CEP126: variants seen among roughly 807,000 people sequenced by gnomAD.
CEP126 encodes the protein centrosomal protein of 126 kDa.
A neutral mutation model predicts 107.8 loss-of-function variants in CEP126; 74 were observed. That is an observed-to-expected ratio of 0.69 (90% CI 0.57 to 0.83). The LOEUF (loss-of-function observed/expected upper bound fraction) is 0.83. Among genes scored for constraint, CEP126 ranks in the 40% least tolerant of loss-of-function variants. The pLI is 0.00. For synonymous variants in CEP126, 449 were observed against 446.0 expected, an observed-to-expected ratio of 1.01 and a Z score of -0.08; for missense variants, 1,237 against 1,281.9, an observed-to-expected ratio of 0.96 and a Z score of 0.53.
chr11:101,967,324 CATTTCAATAGTT>C (rs1202016420), intron 6 of CEP126, among the ~76,000 whole-genome samples: 8 of 152,126 alleles, frequency 5.3e-5, no homozygotes, highest in Admixed American at 2.0e-4. Flanking sequence ...CCAGGTTCAT[CATTTCAATAGTT>C]CTTTTACCAA....
At chr11:101,928,483 T>A (rs950733338) in intron 2 of CEP126, among the ~76,000 whole-genome samples, 2 of 152,192 alleles carry the variant, frequency 1.3e-5, no homozygotes, top group African/African-American at 4.8e-5. Flanking sequence ...ATCCTCAAAA[T>A]ATTATAGTTT....
rs200942293 is a variant in CEP126, at chr11:101,925,183, TTG to T, written c.248+2425_248+2426del. ...ATTTTTTGCCTCTCATAGCATCCCT[TTG>T]TTTGTTTGTTCTTTGTATTCCATTA... On this transcript the variant is annotated intron_variant, in intron 2 of 10. Coordinates refer to ENST00000263468, the MANE Select transcript of CEP126 (RefSeq NM_020802.4). 2.0e-5 allele frequency among the ~76,000 whole-genome samples: 3 copies of T among 152,280 alleles called. No homozygotes were observed. In the East Asian group the frequency reaches 5.8e-4, roughly 29 times the overall value.
At chr11:101,929,974 C>CTTTTTTTTT (rs60650996) in intron 2 of CEP126, among the ~76,000 whole-genome samples, 1,741 of 118,430 alleles carry the variant, frequency 0.015, 43 homozygotes, top group African/African-American at 0.042. Flanking sequence ...TTAGTTAGGA[C>CTTTTTTTTT]TTTTTTTTTT....
At chr11:101,980,055 A>T (rs1021769229) in intron 7 of CEP126, among the ~76,000 whole-genome samples, 5 of 152,166 alleles carry the variant, frequency 3.3e-5, no homozygotes, top group African/African-American at 1.2e-4. Flanking sequence ...TATATGGATA[A>T]GATTACTAAT....
At position 101,998,657 on chromosome 11, in the gene CEP126, C is replaced by T. The variant is rs933126697; in HGVS notation, c.*1014C>T. 7.0e-6 allele frequency: 1 copy of T among 143,290 alleles called. No individual in the cohort carries two copies. Among genetic ancestry groups the T allele is most frequent in the African/African-American group, 2.6e-5 (1 of 38,148 alleles). The allele number at this position is 143,290 out of a possible 1,614,324, so 8.9% of individuals were successfully genotyped here. On this transcript the variant is annotated 3_prime_UTR_variant, in exon 11 of 11. Coordinates refer to ENST00000263468, the MANE Select transcript of CEP126 (RefSeq NM_020802.4). ...TTAAGAGTTTTAAGAAAACATGTGG[C>T]CTTTTATTAATAACACTACTAAATT... is the stretch of plus-strand genomic sequence containing the variant.
At chr11:101,944,511 C>A in intron 3 of CEP126, 101 bp downstream of exon 3, 1 of 1,112,314 alleles carries the variant, frequency 9.0e-7, no homozygotes, top group African/African-American at 1.7e-5. Flanking sequence ...TGGAAACAAA[C>A]TAAAAAGACC....
At chr11:101,943,975 C>T (rs184068976) in intron 2 of CEP126, among the ~76,000 whole-genome samples, 1 of 152,124 alleles carries the variant, frequency 6.6e-6, no homozygotes, top group Admixed American at 6.5e-5. Context: ...AGGCTTTTTC[C>T]ACAGCACAGT....
intron 2 of CEP126, among the ~76,000 whole-genome samples, chr11:101,923,635 A>G (rs1335270602): frequency 6.6e-6 from 1 of 152,130 alleles, no homozygotes; most frequent in Non-Finnish European, 1.5e-5. Flanking sequence ...AGTTGAAATT[A>G]TTTACTGAAA....
At chr11:101,969,641 AT>A (rs1194043196) in intron 6 of CEP126, among the ~76,000 whole-genome samples, 1 of 152,230 alleles carries the variant, frequency 6.6e-6, no homozygotes, top group Non-Finnish European at 1.5e-5. Context: ...TCTAATATTT[AT>A]ATGGAAATGC....
chr11:101,922,464 G>A (rs542611649), intron 1 of CEP126, among the ~76,000 whole-genome samples, 177 bp from the exon 2 acceptor site: 7 of 152,126 alleles, frequency 4.6e-5, no homozygotes, highest in South Asian at 2.1e-4. Context: ...ACCCAGCCCC[G>A]AATTTTTTTT....
rs752355410 is a variant in CEP126, at chr11:101,922,696, C to A, written c.184C>A (p.Gln62Lys). 3 of 1,610,854 alleles carry A rather than the reference C, an allele frequency of 1.9e-6. No homozygotes were observed. The highest frequency in any genetic ancestry group is 1.7e-5 in the Admixed American group (1 of 59,990). ...NLEEERQILL[Q>K]QQKICRNRAR... ...AGAAGAAGAGCGCCAGATATTACTG[C>A]AGCAACAAAAAATATGTCGAAATCG... is the stretch of plus-strand genomic sequence containing the variant. Residue 62 changes from glutamine to lysine, a missense_variant, in exon 2 of 11, where the codon CAG (glutamine) becomes AAG (lysine). Gln to Lys is a moderately conservative substitution (Grantham distance 53). Transcript: ENST00000263468.
intron 2 of CEP126, among the ~76,000 whole-genome samples, chr11:101,932,438 TG>T (rs2137086524): frequency 6.6e-6 from 1 of 152,258 alleles, no homozygotes; most frequent in South Asian, 2.1e-4. Context: ...CTGGCCACTG[TG>T]GAACAATATG....
chr11:101,965,006 G>T (rs953605554), intron 6 of CEP126, among the ~76,000 whole-genome samples: 4 of 152,088 alleles, frequency 2.6e-5, no homozygotes, highest in African/African-American at 9.7e-5. Flanking sequence ...CCCAAAGTGT[G>T]GTAGCTCTGC....
intron 5 of CEP126, 67 bp downstream of exon 5, chr11:101,958,433 T>G: frequency 7.8e-7 from 1 of 1,288,460 alleles, no homozygotes; most frequent in South Asian, 1.2e-5. Context: ...ACTTTTGCAG[T>G]GTTCTCCACT....
intron 2 of CEP126, among the ~76,000 whole-genome samples, chr11:101,938,169 A>AAAAAAAAAAAAAAC (rs1565353082): frequency 2.1e-5 from 3 of 143,934 alleles, no homozygotes; most frequent in Admixed American, 6.9e-5. Context: ...CAAAAAAAAA[A>AAAAAAAAAAAAAAC]AAAAAAATAC....
Position 101,997,720 on chromosome 11 carries a change from C to T in CEP126, c.*77C>T. On this transcript the variant is annotated 3_prime_UTR_variant, in exon 11 of 11. Transcript: ENST00000263468. ...ATGCATACCGTTTTGTGAAAACCAG[C>T]CATAGGAAAACATGTGAGCAACAAC... The T allele has an allele frequency of 6.3e-7, 1 of 1,595,000 alleles. No individual in the cohort carries two copies. Among genetic ancestry groups the T allele is most frequent in the African/African-American group, 1.3e-5 (1 of 74,484 alleles).
intron 4 of CEP126, 80 bp from the exon 5 acceptor site, chr11:101,958,088 C>G: frequency 8.6e-7 from 1 of 1,162,820 alleles, no homozygotes; most frequent in Non-Finnish European, 1.2e-6. Flanking sequence ...CGTATTACAC[C>G]TAATGTGTCA....
chr11:101,922,604 A>G (rs777509443), intron 1 of CEP126, 37 bp from the exon 2 acceptor site: 1 of 1,531,052 alleles, frequency 6.5e-7, no homozygotes, highest in East Asian at 2.3e-5. Flanking sequence ...TCCACTAAAG[A>G]TGTAGACCAT....
chr11:101,930,800 C>T (rs1591270985), intron 2 of CEP126, among the ~76,000 whole-genome samples: 1 of 152,160 alleles, frequency 6.6e-6, no homozygotes, highest in Non-Finnish European at 1.5e-5. Context: ...GCTGGCTTCA[C>T]CTCTCATTGT....
Sources: allele counts gnomAD v4.1 joint callset (sites outside exome capture counted in the v4.1 genomes callset), GRCh38; gene constraint gnomAD v4.1.1; transcripts MANE v1.5; gene names NCBI Gene and HGNC (gene_info 2026-07-23, HGNC 2026-07-21).